Variants in CDKAL1 observed in about 807,000 individuals in gnomAD.
CDKAL1 encodes threonylcarbamoyladenosine tRNA methylthiotransferase.
A neutral mutation model predicts 68.2 loss-of-function variants in CDKAL1; 32 were observed. The ratio of observed to expected loss-of-function variants is 0.47; its 90% CI spans 0.35 to 0.63. The LOEUF (loss-of-function observed/expected upper bound fraction) is 0.63, where lower values mean the gene tolerates loss of function less well. Ranked by LOEUF, CDKAL1 falls within the 30% of genes least tolerant of loss-of-function variation. CDKAL1 has a pLI of 0.00. For synonymous variants in CDKAL1, 234 were observed against 244.3 expected (o/e 0.96, Z 0.39); for missense variants, 606 against 696.7 (o/e 0.87, Z 1.47).
intron 4 of CDKAL1, among the ~76,000 whole-genome samples, chr6:20,616,839 C>CCCCACACACACACACA (rs1554164140): frequency 3.3e-5 from 4 of 121,394 alleles, no homozygotes; most frequent in African/African-American, 1.3e-4. Context: ...CCCGACTCTA[C>CCCCACACACACACACA]CACACACACA....
chr6:20,846,698 A>G (rs1001620888), intron 9 of CDKAL1, among the ~76,000 whole-genome samples: 1 of 152,200 alleles, frequency 6.6e-6, no homozygotes, highest in Non-Finnish European at 1.5e-5. Context: ...GGAGAGGCCT[A>G]ATGAGAATGA....
intron 12 of CDKAL1, among the ~76,000 whole-genome samples, chr6:21,075,676 C>G (rs892980839): frequency 3.3e-5 from 5 of 152,050 alleles, no homozygotes; most frequent in African/African-American, 1.2e-4. Flanking sequence ...TTTGCAAGTT[C>G]ATATTTTCTG....
chr6:20,794,349 T>C (rs1336169466), intron 8 of CDKAL1, among the ~76,000 whole-genome samples: 1 of 152,094 alleles, frequency 6.6e-6, no homozygotes, highest in African/African-American at 2.4e-5. Flanking sequence ...GATAGTAGAG[T>C]AGCATGACAG....
chr6:21,220,775 C>G (rs1274637239), intron 15 of CDKAL1, among the ~76,000 whole-genome samples: 1 of 152,216 alleles, frequency 6.6e-6, no homozygotes, highest in African/African-American at 2.4e-5. Flanking sequence ...GAGGGGCCAC[C>G]TTTGCTCATT....
chr6:21,160,447 A>G (rs1351553949), intron 13 of CDKAL1, among the ~76,000 whole-genome samples: 4 of 151,178 alleles, frequency 2.6e-5, no homozygotes, highest in East Asian at 2.0e-4. Context: ...ACAGGCGCCC[A>G]CCACCATGCC....
At chr6:20,554,871 TC>T (rs1234066504) in intron 4 of CDKAL1, among the ~76,000 whole-genome samples, 21 of 152,232 alleles carry the variant, frequency 1.4e-4, no homozygotes, top group African/African-American at 4.6e-4. Flanking sequence ...AAAAAGTCCA[TC>T]CAAAGACCAT....
chr6:20,874,739 G>A (rs1760410009), intron 9 of CDKAL1, among the ~76,000 whole-genome samples: 1 of 151,996 alleles, frequency 6.6e-6, no homozygotes. Flanking sequence ...CGGGCATCAA[G>A]TGATCCGCCT....
intron 4 of CDKAL1, among the ~76,000 whole-genome samples, chr6:20,571,725 A>G (rs988176219): frequency 6.6e-6 from 1 of 151,962 alleles, no homozygotes; most frequent in African/African-American, 2.4e-5. Context: ...AATTTTGTCT[A>G]AATTGAGGTA....
At chr6:20,852,973 T>C (rs978810569) in intron 9 of CDKAL1, among the ~76,000 whole-genome samples, 21 of 152,226 alleles carry the variant, frequency 1.4e-4, no homozygotes, top group African/African-American at 5.1e-4. Context: ...ATAGTAAATA[T>C]TTTAGGCTTT....
intron 8 of CDKAL1, among the ~76,000 whole-genome samples, chr6:20,783,226 A>G (rs771571862): frequency 1.3e-5 from 2 of 152,068 alleles, no homozygotes; most frequent in African/African-American, 2.4e-5. Context: ...CACTGCACCC[A>G]GCTGAAAAAT....
At chr6:21,202,117 C>G (rs1409483420) in intron 15 of CDKAL1, among the ~76,000 whole-genome samples, 1 of 152,106 alleles carries the variant, frequency 6.6e-6, no homozygotes, top group Non-Finnish European at 1.5e-5. Flanking sequence ...TACCGCTTCA[C>G]TCTGGCAATA....
At chr6:21,106,047 G>A (rs758875948) in intron 12 of CDKAL1, among the ~76,000 whole-genome samples, 28 of 152,174 alleles carry the variant, frequency 1.8e-4, no homozygotes, top group Non-Finnish European at 3.5e-4. Flanking sequence ...ATATTTGTGA[G>A]GAGGAGGCAG....
chr6:20,722,792 C>G (rs1772444151), intron 5 of CDKAL1, among the ~76,000 whole-genome samples: 1 of 151,982 alleles, frequency 6.6e-6, no homozygotes, highest in Non-Finnish European at 1.5e-5. Context: ...GCTGCCCTGC[C>G]CCCATCCTGT....
chr6:20,955,172 C>T (rs1764719451), intron 9 of CDKAL1, among the ~76,000 whole-genome samples: 2 of 152,154 alleles, frequency 1.3e-5, no homozygotes, highest in African/African-American at 4.8e-5. Flanking sequence ...AACTGATTGG[C>T]TGTGAATGTT....
intron 13 of CDKAL1, among the ~76,000 whole-genome samples, chr6:21,193,757 C>T (rs185284672): frequency 1.3e-3 from 194 of 152,302 alleles, no homozygotes; most frequent in Non-Finnish European, 2.5e-3. Flanking sequence ...TTTCCCCTTT[C>T]TTCCTATCCT....
Position 20,546,390 on chromosome 6 carries a change from G to A in CDKAL1, c.40G>A (p.Glu14Lys). The A allele has an allele frequency of 2.5e-6, 4 of 1,613,844 alleles. No individual in the cohort carries two copies. Among genetic ancestry groups the A allele is most frequent in the Non-Finnish European group, 3.4e-6 (4 of 1,179,816 alleles). ...CTGTGATACACTACTGGATGACATC[G>A]AAGATATCGTGTCTCAGGAAGATTC... ...ASCDTLLDDI[E>K]DIVSQEDSKP... is the part of the protein sequence containing the mutation. Residue 14 changes from glutamate to lysine, a missense_variant, in exon 3 of 16, where the codon GAA becomes AAA. Glu to Lys is a moderately conservative substitution (Grantham distance 56). Transcript: ENST00000274695.
At chr6:20,719,865 A>G (rs935009160) in intron 5 of CDKAL1, among the ~76,000 whole-genome samples, 1 of 152,128 alleles carries the variant, frequency 6.6e-6, no homozygotes, top group South Asian at 2.1e-4. Flanking sequence ...ATGTTTCCTT[A>G]TGGCTTTTTC....
chr6:20,949,030 A>AT (rs1581894692), intron 9 of CDKAL1, among the ~76,000 whole-genome samples: 1 of 152,194 alleles, frequency 6.6e-6, no homozygotes, highest in South Asian at 2.1e-4. Context: ...ATGCCAACAC[A>AT]TTTTTTCTAT....
intron 11 of CDKAL1, among the ~76,000 whole-genome samples, chr6:21,019,179 C>T (rs1768498723): frequency 6.6e-6 from 1 of 152,152 alleles, no homozygotes; most frequent in Admixed American, 6.5e-5. Flanking sequence ...AAACTCCTGA[C>T]CTCAAGTAAT....
Sources: allele counts gnomAD v4.1 joint callset (sites outside exome capture counted in the v4.1 genomes callset), GRCh38; gene constraint gnomAD v4.1.1; transcripts MANE v1.5; gene names NCBI Gene and HGNC (gene_info 2026-07-23, HGNC 2026-07-21).